MYO1F: variants seen among roughly 807,000 people sequenced by gnomAD.
The protein encoded by MYO1F is myosin IF.
MYO1F carries 60 observed loss-of-function variants against 146.6 expected under a neutral mutation model. The ratio of observed to expected loss-of-function variants is 0.41; its 90% CI spans 0.33 to 0.51. The LOEUF (loss-of-function observed/expected upper bound fraction) is 0.51. MYO1F is among the 20% of genes least tolerant of loss of function. The pLI, the probability that MYO1F is intolerant of heterozygous loss-of-function variation, is 0.25. For missense variants in MYO1F, 1,274 were observed against 1,534.3 expected (o/e 0.83, Z 2.83); for synonymous variants, 602 against 602.1 (o/e 1.00, Z 0.00).
At chr19:8,554,312 C>G (rs1238882705) in intron 4 of MYO1F, among the ~76,000 whole-genome samples, 165 bp downstream of exon 4, 1 of 152,108 alleles carries the variant, frequency 6.6e-6, no homozygotes, top group Non-Finnish European at 1.5e-5. Context: ...CAATAAAATA[C>G]ATCGTGAGTC....
At chr19:8,526,384 T>G in intron 24 of MYO1F, 69 bp downstream of exon 24, 1 of 1,536,252 alleles carries the variant, frequency 6.5e-7, no homozygotes, top group South Asian at 1.2e-5. Context: ...CTCCCCTTCC[T>G]GGCCTTCGTC....
chr19:8,529,614 A>G (rs1417780708), intron 21 of MYO1F, among the ~76,000 whole-genome samples: 1 of 150,724 alleles, frequency 6.6e-6, no homozygotes, highest in African/African-American at 2.4e-5. Context: ...GGTTGAAGGT[A>G]GAGTGTACCT....
rs932392401 is a variant in MYO1F, at chr19:8,538,842, T to A, written c.1692+1105A>T. On this transcript the variant is annotated intron_variant, in intron 16 of 27. Transcript: ENST00000644032. ...ACATTCATAGCAACAGAATGGTGAG[T>A]GCCAGGGACTTGGAAAGCAGATAGG... 4.6e-5 allele frequency among the ~76,000 whole-genome samples: 7 copies of A among 152,110 alleles called. No individual in the cohort carries two copies. In the East Asian group the frequency reaches 1.3e-3, roughly 29 times the overall value.
chr19:8,554,503 G>A lies in MYO1F; in HGVS notation c.300C>T (p.Asp100=), dbSNP rs1483539604. ...TAATGATGACACACTGGTTCTCACA[G>A]TCGATAAGCATGTTCCGGTACATGT... ...TDNMYRNMLI[D]CENQCVIISG... Residue 100 remains aspartate (D), a synonymous_variant, in exon 4 of 28, where the codon GAC becomes GAT. Transcript: ENST00000644032. 2 of 1,612,586 alleles carry A rather than the reference G, an allele frequency of 1.2e-6. No homozygotes were observed. The highest frequency in any genetic ancestry group is 1.3e-5 in the African/African-American group (1 of 74,872).
In MYO1F at chr19:8,540,255, T is replaced by C. The variant is rs117118593; in HGVS notation, c.1611-227A>G. The C allele has an allele frequency of 4.3e-3, 2,005 of 468,420 alleles. 8 individuals carry two copies. The highest frequency in any genetic ancestry group is 5.2e-3 in the Non-Finnish European group (1,368 of 264,130). The allele number at this position is 468,420 out of a possible 1,614,324, so 29.0% of individuals were successfully genotyped here. On this transcript the variant is annotated intron_variant, in intron 15 of 27. Transcript: ENST00000644032. ...GGCGCATTGGTGCGATGATAGGAAC[T>C]GCAGCCTGGAACTCCTGGGCTCAAG...
chr19:8,526,825 G>C lies in MYO1F; in HGVS notation c.2585C>G (p.Ala862Gly). ...VSLLCKRFEEATRRPLPLTFS... is the reference protein window; with the variant it reads ...VSLLCKRFEEGTRRPLPLTFS... ...GGTGAGGGGCAGGGGCCTCCGCGTC[G>C]CCTCCTCGAAGCGCTTGCACAGAAG... The change falls in exon 23 of 28, where the codon GCG (alanine) becomes GGG (glycine). Residue 862 changes from alanine to glycine, a missense_variant. By Grantham distance (60) the Ala-to-Gly change is moderately conservative (BLOSUM62 0). Transcript: ENST00000644032. 1 of 1,613,588 alleles carries C rather than the reference G, an allele frequency of 6.2e-7. No homozygotes were observed. The highest frequency in any genetic ancestry group is 8.5e-7 in the Non-Finnish European group (1 of 1,179,864).
chr19:8,527,004 A>G, intron 22 of MYO1F, 69 bp from the exon 23 acceptor site: 1 of 1,584,272 alleles, frequency 6.3e-7, no homozygotes, highest in Non-Finnish European at 8.6e-7. Context: ...AGACAGATGA[A>G]GGTGGCTGAA....
At position 8,552,266 on chromosome 19, in the gene MYO1F, C is replaced by CT. The variant is rs367972902; in HGVS notation, c.505-103dup. On this transcript the variant is annotated intron_variant, in intron 6 of 27. Coordinates refer to ENST00000644032, the MANE Select transcript of MYO1F (RefSeq NM_012335.4). ...GAGCCTTGCCTCTCTTCCCTTCTTCCTTTTTTTTTTGAGACAGAATCTGAC... is the reference window on the plus strand; with the variant it reads ...GAGCCTTGCCTCTCTTCCCTTCTTCCTTTTTTTTTTTGAGACAGAATCTGAC... 16,174 of 1,092,104 alleles carry CT rather than the reference C, an allele frequency of 0.015. 147 individuals carry two copies. Among genetic ancestry groups the CT allele is most frequent in the African/African-American group, 0.082 (5,028 of 61,018 alleles). 67.7% of individuals were successfully genotyped at this position (1,092,104 alleles called of 1,614,324 possible). A position where few individuals can be genotyped will look rare whatever the true frequency, so the allele number is the denominator to read the frequency against.
chr19:8,571,552 C>A (rs1555731919), intron 1 of MYO1F, among the ~76,000 whole-genome samples: 1 of 151,744 alleles, frequency 6.6e-6, no homozygotes, highest in African/African-American at 2.4e-5. Context: ...GTAGCTGGGA[C>A]TACAGGCGCC....
rs144348484 is a variant in MYO1F at position 8,564,187 on chromosome 19, C to T, written c.4-8391G>A. On this transcript the variant is annotated intron_variant, in intron 1 of 27. Transcript: ENST00000644032. ...CTTGAGGTCAGGAGTTCGAGACCAG[C>T]CTGGCCAACATGGTGAAACCCCGTC... 6.6e-3 allele frequency among the ~76,000 whole-genome samples: 999 copies of T among 152,064 alleles called. 15 individuals are homozygous for T. Among genetic ancestry groups the T allele is most frequent in the African/African-American group, 0.023 (940 of 41,522 alleles).
chr19:8,574,686 C>T (rs1321468385), intron 1 of MYO1F, among the ~76,000 whole-genome samples: 1 of 115,720 alleles, frequency 8.6e-6, no homozygotes, highest in African/African-American at 3.0e-5. Flanking sequence ...TTTCTTTCTT[C>T]CTTTCTCTTT....
At chr19:8,575,058 C>T (rs1465581146) in intron 1 of MYO1F, among the ~76,000 whole-genome samples, 32 of 150,400 alleles carry the variant, frequency 2.1e-4, no homozygotes, top group Admixed American at 1.8e-3. Context: ...ACCCTGCCAA[C>T]GGCATTAGAT....
At chr19:8,570,761 G>A (rs545216954) in intron 1 of MYO1F, among the ~76,000 whole-genome samples, 2 of 151,986 alleles carry the variant, frequency 1.3e-5, no homozygotes, top group South Asian at 4.1e-4. Context: ...TCTTGCCTTG[G>A]CCTCCCAAAG....
At chr19:8,576,096 A>C (rs1555733757) in intron 1 of MYO1F, among the ~76,000 whole-genome samples, 4 of 152,152 alleles carry the variant, frequency 2.6e-5, no homozygotes, top group African/African-American at 9.7e-5. Flanking sequence ...TCCTGGGTTC[A>C]AGTTATTCTC....
chr19:8,572,359 T>C (rs1555732162), intron 1 of MYO1F, among the ~76,000 whole-genome samples: 1 of 151,810 alleles, frequency 6.6e-6, no homozygotes, highest in African/African-American at 2.4e-5. Context: ...CCTCTGCCTC[T>C]CGGGTTCAAG....
At chr19:8,570,373 T>TA (rs1158428226) in intron 1 of MYO1F, among the ~76,000 whole-genome samples, 6 of 141,578 alleles carry the variant, frequency 4.2e-5, no homozygotes, top group African/African-American at 1.6e-4. Flanking sequence ...CCCAGCCACA[T>TA]TTTTTTTTTT....
At chr19:8,522,869 T>C (rs1223858675) in intron 25 of MYO1F, 40 bp from the exon 26 acceptor site, 5 of 1,516,974 alleles carry the variant, frequency 3.3e-6, no homozygotes, top group South Asian at 1.2e-5. Flanking sequence ...ATTAGGGTGA[T>C]GCTAGGAGGA....
intron 2 of MYO1F, among the ~76,000 whole-genome samples, chr19:8,555,086 G>A (rs1349059996): frequency 3.3e-5 from 5 of 152,048 alleles, no homozygotes; most frequent in African/African-American, 9.7e-5. Flanking sequence ...TTGGGAGGCT[G>A]AGGGAGGAGA....
At chr19:8,563,223 C>G (rs1256363576) in intron 1 of MYO1F, among the ~76,000 whole-genome samples, 1 of 151,586 alleles carries the variant, frequency 6.6e-6, no homozygotes, top group Non-Finnish European at 1.5e-5. Flanking sequence ...GAACTCCTGA[C>G]CTCAGGTGAT....
Sources: allele counts gnomAD v4.1 joint callset (sites outside exome capture counted in the v4.1 genomes callset), GRCh38; gene constraint gnomAD v4.1.1; transcripts MANE v1.5; gene names NCBI Gene and HGNC (gene_info 2026-07-23, HGNC 2026-07-21).